RBFOX1: variants seen among roughly 807,000 people sequenced by gnomAD.
RBFOX1 encodes RNA binding protein fox-1 homolog 1.
A neutral mutation model predicts 57.7 loss-of-function variants in RBFOX1; 8 were observed. The observed-to-expected ratio is 0.14, with a 90% CI of 0.08 to 0.25. RBFOX1 has a LOEUF of 0.25. Among genes scored for constraint, RBFOX1 ranks in the 10% least tolerant of loss-of-function variants. The probability of loss-of-function intolerance (pLI) is 1.00; values close to 1 mark genes in which losing one functional copy is unlikely to be tolerated. For synonymous variants in RBFOX1, 326 were observed against 222.4 expected (o/e 1.47, Z -4.15); for missense variants, 611 against 548.5 (o/e 1.11, Z -1.14).
intron 2 of RBFOX1, among the ~76,000 whole-genome samples, chr16:6,396,021 G>A (rs1297997924): frequency 7.8e-6 from 1 of 128,376 alleles, no homozygotes; most frequent in Non-Finnish European, 1.5e-5. Context: ...AGCTGAGATC[G>A]CACCAATGCA....
In RBFOX1 at chr16:7,069,980, A is replaced by G. The variant is rs77524300; in HGVS notation, c.27+17882A>G. Among the ~76,000 whole-genome samples, 685 of 152,308 alleles carry G rather than the reference A, an allele frequency of 4.5e-3. 4 individuals carry two copies. Among genetic ancestry groups the G allele is most frequent in the African/African-American group, 0.015 (642 of 41,570 alleles). On this transcript the variant is annotated intron_variant, in intron 4 of 15. Coordinates refer to ENST00000550418, the MANE Select transcript of RBFOX1 (RefSeq NM_018723.4). ...CATAGCCTAATAATTCCATCAAGTA[A>G]GGTTTTCTGATCAGTGGATATTCTC...
chr16:6,347,889 A>T (rs2085651463), intron 2 of RBFOX1, among the ~76,000 whole-genome samples: 1 of 152,218 alleles, frequency 6.6e-6, no homozygotes, highest in African/African-American at 2.4e-5. Context: ...GACCTCCAAC[A>T]GCTCATTTGC....
chr16:7,155,597 A>AG (rs2076914626), intron 4 of RBFOX1, among the ~76,000 whole-genome samples: 1 of 138,774 alleles, frequency 7.2e-6, no homozygotes, highest in African/African-American at 3.1e-5. Context: ...ACTTGTCTGA[A>AG]AAAAAAAAAA....
chr16:6,856,091 C>A (rs565173176), intron 3 of RBFOX1, among the ~76,000 whole-genome samples: 1 of 150,474 alleles, frequency 6.6e-6, no homozygotes, highest in Non-Finnish European at 1.5e-5. Flanking sequence ...AAATGAAGAC[C>A]CTTCCCTTCC....
intron 4 of RBFOX1, among the ~76,000 whole-genome samples, chr16:5,967,076 C>T (rs1202834550): frequency 6.7e-5 from 10 of 150,070 alleles, no homozygotes. Context: ...CATGACCGCT[C>T]ATTTATATAT....
intron 4 of RBFOX1, among the ~76,000 whole-genome samples, chr16:7,425,444 A>T (rs1212874970): frequency 6.6e-6 from 1 of 152,216 alleles, no homozygotes; most frequent in East Asian, 1.9e-4. Flanking sequence ...CCTACTTGAG[A>T]AATTTCAAAG....
chr16:5,985,253 A>T (rs928126167), intron 4 of RBFOX1, among the ~76,000 whole-genome samples: 1 of 151,602 alleles, frequency 6.6e-6, no homozygotes, highest in Non-Finnish European at 1.5e-5. Flanking sequence ...CGGCCTCCCA[A>T]AGTGGTGGGA....
At chr16:6,504,710 C>G (rs897128671) in intron 2 of RBFOX1, among the ~76,000 whole-genome samples, 9 of 152,138 alleles carry the variant, frequency 5.9e-5, no homozygotes, top group Non-Finnish European at 1.0e-4. Flanking sequence ...TACTTGCAAG[C>G]TTTATCTTAC....
intron 3 of RBFOX1, among the ~76,000 whole-genome samples, chr16:6,792,781 A>G (rs768050556): frequency 6.6e-6 from 1 of 152,222 alleles, no homozygotes; most frequent in Admixed American, 6.5e-5. Flanking sequence ...CTGTAATCCC[A>G]GCACTCTGGG....
intron 4 of RBFOX1, among the ~76,000 whole-genome samples, chr16:5,934,577 T>A (rs2152253952): frequency 6.6e-6 from 1 of 152,290 alleles, no homozygotes; most frequent in East Asian, 1.9e-4. Flanking sequence ...TCCCGCCAAG[T>A]GTTTTAAAAG....
chr16:6,001,285 A>G (rs941537114), intron 4 of RBFOX1, among the ~76,000 whole-genome samples: 1 of 152,144 alleles, frequency 6.6e-6, no homozygotes, highest in Non-Finnish European at 1.5e-5. Context: ...GATTTTCTCT[A>G]GATTTTCACT....
intron 4 of RBFOX1, among the ~76,000 whole-genome samples, chr16:7,343,485 A>G (rs2096936341): frequency 6.6e-6 from 1 of 152,174 alleles, no homozygotes; most frequent in Admixed American, 6.5e-5. Context: ...TAAAAGGGCT[A>G]GAGGAGCTGC....
intron 4 of RBFOX1, among the ~76,000 whole-genome samples, chr16:7,506,111 G>GT (rs1251764207): frequency 7.0e-6 from 1 of 142,916 alleles, no homozygotes; most frequent in Non-Finnish European, 1.5e-5. Context: ...CTTGAACCCA[G>GT]GAGGCGGAGT....
Position 5,565,627 on chromosome 16 carries a change from C to CATACATAA in RBFOX1, c.259-33272_259-33271insCATAAATA, listed in dbSNP as rs1555466588. Among the ~76,000 whole-genome samples the CATACATAA allele has an allele frequency of 2.4e-3, 336 of 142,832 alleles. 1 individual carries two copies. The highest frequency in any genetic ancestry group is 0.014 in the South Asian group (57 of 4,194). 93.7% of individuals were successfully genotyped at this position (142,832 alleles called of 152,430 possible). On this transcript the variant is annotated intron_variant, in intron 2 of 2. Coordinates refer to the RBFOX1 transcript ENST00000585867. ...GCAATAAGAGCGAAACTCTGCCTTA[C>CATACATAA]ATAAATAAATAAATAAATAAATAAA...
Position 6,447,142 on chromosome 16 carries a change from A to C in RBFOX1, c.-64+130085A>C, listed in dbSNP as rs560937418. Among the ~76,000 whole-genome samples the C allele has an allele frequency of 2.0e-5, 3 of 152,264 alleles. No homozygotes were observed. In the South Asian group the frequency reaches 6.2e-4, roughly 32 times the overall value. ...TTCATTCATTAAAAGTTCATGGTCT[A>C]TTGGACTTTTTTTCCTTCAAGCGTT... On this transcript the variant is annotated intron_variant, in intron 2 of 15. Transcript: ENST00000550418.
At chr16:6,798,839 C>G (rs981042562) in intron 3 of RBFOX1, among the ~76,000 whole-genome samples, 3 of 152,036 alleles carry the variant, frequency 2.0e-5, no homozygotes, top group African/African-American at 7.2e-5. Flanking sequence ...TAGGATGCTT[C>G]GGGGAGTGTA....
chr16:7,418,591 A>G (rs187918515), intron 4 of RBFOX1, among the ~76,000 whole-genome samples: 1 of 152,212 alleles, frequency 6.6e-6, no homozygotes, highest in Non-Finnish European at 1.5e-5. Flanking sequence ...GAAAGACCCA[A>G]ACAATATTTG....
chr16:6,826,017 A>G (rs1242569497), intron 3 of RBFOX1, among the ~76,000 whole-genome samples: 1 of 152,106 alleles, frequency 6.6e-6, no homozygotes, highest in Non-Finnish European at 1.5e-5. Context: ...GGGTAGGCCG[A>G]CCACATCGTG....
intron 3 of RBFOX1, among the ~76,000 whole-genome samples, chr16:6,709,010 C>A (rs1379998222): frequency 6.6e-6 from 1 of 151,834 alleles, no homozygotes; most frequent in Admixed American, 6.6e-5. Flanking sequence ...TATTCCCTGA[C>A]TGTGCCTCTT....
Sources: gnomAD v4.1 joint callset for allele counts (sites outside exome capture counted in the v4.1 genomes callset) on GRCh38, gnomAD v4.1.1 for gene constraint, MANE v1.5 for transcripts, NCBI Gene and HGNC (gene_info 2026-07-23, HGNC 2026-07-21) for gene names.